Variants in GSE1 observed in about 807,000 individuals in gnomAD.
The protein encoded by GSE1 is Gse1 coiled-coil protein, also known as genetic suppressor element 1.
In GSE1, 32 loss-of-function variants were observed where a neutral mutation model predicts 112.6. The ratio of observed to expected loss-of-function variants is 0.28; its 90% confidence interval spans 0.21 to 0.38. The LOEUF (loss-of-function observed/expected upper bound fraction) is 0.38, where lower values mean the gene tolerates loss of function less well. GSE1 is among the 10% of genes least tolerant of loss of function. The probability of loss-of-function intolerance (pLI) is 1.00; values close to 1 mark genes in which losing one functional copy is unlikely to be tolerated. For missense variants in GSE1, 2,348 were observed against 1,699.2 expected, an observed-to-expected ratio of 1.38 and a Z score of -6.71; for synonymous variants, 1,115 against 735.6, an observed-to-expected ratio of 1.52 and a Z score of -8.35.
At chr16:85,599,848 T>A (rs2151476237) in intron 1 of GSE1, among the ~76,000 whole-genome samples, 1 of 152,306 alleles carries the variant, frequency 6.6e-6, no homozygotes. Context: ...TGCAGTGAGC[T>A]ATGATCGTAC....
intron 1 of GSE1, among the ~76,000 whole-genome samples, chr16:85,602,282 T>A (rs1220925876): frequency 6.6e-6 from 1 of 152,148 alleles, no homozygotes; most frequent in African/African-American, 2.4e-5. Context: ...GAGCAGCGTG[T>A]GGACTGATTC....
chr16:85,556,020 A>C, exon 1 of GSE1: 6 of 984,846 alleles, frequency 6.1e-6, no homozygotes, highest in Non-Finnish European at 7.2e-6. Flanking sequence ...ACACCCGGGC[A>C]GCCGTGGAGG....
At chr16:85,472,580 A>G (rs1270716194) in intron 2 of GSE1, among the ~76,000 whole-genome samples, 1 of 152,196 alleles carries the variant, frequency 6.6e-6, no homozygotes. Context: ...TTACGGGGTG[A>G]CCATGCATTA....
intron 1 of GSE1, among the ~76,000 whole-genome samples, chr16:85,310,817 C>G (rs2045821146): frequency 6.6e-6 from 1 of 152,050 alleles, no homozygotes; most frequent in African/African-American, 2.4e-5. Flanking sequence ...AGCCCCTCCC[C>G]TCAACACCCA....
intron 1 of GSE1, among the ~76,000 whole-genome samples, chr16:85,314,558 A>G (rs893157092): frequency 6.6e-6 from 1 of 151,260 alleles, no homozygotes; most frequent in African/African-American, 2.5e-5. Flanking sequence ...ATGAGCATGT[A>G]CACACACACA....
chr16:85,292,243 A>G (rs1274427864), intron 1 of GSE1, among the ~76,000 whole-genome samples: 1 of 151,184 alleles, frequency 6.6e-6, no homozygotes, highest in African/African-American at 2.4e-5. Context: ...GGTTAAAGCA[A>G]TTCTCATACC....
intron 2 of GSE1, among the ~76,000 whole-genome samples, chr16:85,530,522 C>T (rs1448626059): frequency 1.3e-5 from 2 of 152,142 alleles, no homozygotes; most frequent in South Asian, 2.1e-4. Context: ...CATTTTTCGT[C>T]GGAGCTATTC....
intron 2 of GSE1, among the ~76,000 whole-genome samples, chr16:85,478,768 AGTTATTATCCTGC>A (rs1460540100): frequency 7.1e-6 from 1 of 140,378 alleles, no homozygotes; most frequent in Admixed American, 7.2e-5. Context: ...CCCAAGTTCA[AGTTATTATCCTGC>A]CTCAGCCTCC....
chr16:85,299,485 C>T (rs1181176761), intron 1 of GSE1, among the ~76,000 whole-genome samples: 1 of 152,210 alleles, frequency 6.6e-6, no homozygotes, highest in Admixed American at 6.5e-5. Flanking sequence ...TGCCTGAGGT[C>T]GGAGGGAGCG....
At chr16:85,224,166 C>T (rs138802493) in intron 1 of GSE1, among the ~76,000 whole-genome samples, 19 of 151,788 alleles carry the variant, frequency 1.3e-4, no homozygotes, top group African/African-American at 3.6e-4. Flanking sequence ...CCCTGTCCCA[C>T]GATGCTGGTG....
upstream of GSE1, among the ~76,000 whole-genome samples, chr16:85,551,632 A>T (rs148008914): frequency 1.3e-5 from 2 of 152,272 alleles, no homozygotes; most frequent in Non-Finnish European, 2.9e-5. Context: ...GCTGTGGTGT[A>T]ACCACCCTCC....
chr16:85,575,766 T>G (rs957274095), intron 1 of GSE1, among the ~76,000 whole-genome samples: 5 of 152,186 alleles, frequency 3.3e-5, no homozygotes, highest in Admixed American at 2.6e-4. Context: ...TATAATTAGG[T>G]GATTATCACT....
chr16:85,278,717 A>G (rs937970655), intron 1 of GSE1: 3 of 152,318 alleles, frequency 2.0e-5, no homozygotes, highest in East Asian at 1.9e-4. Flanking sequence ...CTCAAGAGAA[A>G]CTATTTCTTA....
chr16:85,209,706 C>T (rs910165521), intron 1 of GSE1, among the ~76,000 whole-genome samples: 7 of 152,350 alleles, frequency 4.6e-5, no homozygotes, highest in Non-Finnish European at 2.9e-5. Flanking sequence ...GGTCACGACA[C>T]GTGATCCCGA....
chr16:85,576,495 A>G (rs1042612188), intron 1 of GSE1, among the ~76,000 whole-genome samples: 2 of 152,130 alleles, frequency 1.3e-5, no homozygotes, highest in Admixed American at 6.5e-5. Context: ...CCTGGGGTAG[A>G]TGCTGGAGCT....
chr16:85,656,275 G>C, intron 6 of GSE1, 68 bp from the exon 7 acceptor site: 1 of 1,569,876 alleles, frequency 6.4e-7, no homozygotes. Context: ...TGCTTTTTAA[G>C]GGCCTGCCCC....
intron 2 of GSE1, among the ~76,000 whole-genome samples, chr16:85,421,731 G>A (rs2048849783): frequency 6.6e-6 from 1 of 152,290 alleles, no homozygotes; most frequent in East Asian, 1.9e-4. Flanking sequence ...CCAAGGGCTG[G>A]TGGCTTCCGG....
At position 85,201,305 on chromosome 16, in the gene GSE1, G is replaced by A. The variant is rs1030326596; in HGVS notation, c.2283+29498G>A. On this transcript the variant is annotated intron_variant, in intron 1 of 2. Coordinates refer to the GSE1 transcript ENST00000637419. ...AGGCTGAGTTTGAACTCCTAGGCTC[G>A]AGTGATCCTTGCAACTCATGTTTCC... Among the ~76,000 whole-genome samples the A allele has an allele frequency of 6.6e-5, 10 of 150,420 alleles. 1 individual carries two copies. Among genetic ancestry groups the A allele is most frequent in the Admixed American group, 6.6e-4 (10 of 15,106 alleles).
intron 2 of GSE1, among the ~76,000 whole-genome samples, chr16:85,518,558 C>T (rs1254134121): frequency 6.6e-6 from 1 of 152,158 alleles, no homozygotes; most frequent in Admixed American, 6.5e-5. Context: ...GGCCCCAATT[C>T]TGCCTTCAGC....
Sources: allele counts gnomAD v4.1 joint callset (sites outside exome capture counted in the v4.1 genomes callset), GRCh38; gene constraint gnomAD v4.1.1; transcripts MANE v1.5; gene names NCBI Gene and HGNC (gene_info 2026-07-23, HGNC 2026-07-21).